The following CNTNAP2 variants were observed in gnomAD, a reference collection of about 807,000 sequenced individuals.
CNTNAP2 encodes contactin-associated protein-like 2.
In CNTNAP2, 98 loss-of-function variants were observed where a neutral mutation model predicts 155.2. The observed-to-expected ratio is 0.63, with a 90% confidence interval of 0.54 to 0.75. CNTNAP2 has a LOEUF of 0.75. Ranked by LOEUF, CNTNAP2 falls within the 30% of genes least tolerant of loss-of-function variation. The pLI, the probability that CNTNAP2 is intolerant of heterozygous loss-of-function variation, is 0.00. For missense variants in CNTNAP2, 1,727 were observed against 1,688.1 expected, an observed-to-expected ratio of 1.02 and a Z score of -0.40; for synonymous variants, 651 against 631.2, an observed-to-expected ratio of 1.03 and a Z score of -0.47.
intron 13 of CNTNAP2, among the ~76,000 whole-genome samples, chr7:147,807,737 G>A (rs1798113875): frequency 1.3e-5 from 2 of 152,098 alleles, no homozygotes; most frequent in South Asian, 4.1e-4. Flanking sequence ...ATATGATGGG[G>A]GAATAGATCA....
intron 4 of CNTNAP2, among the ~76,000 whole-genome samples, chr7:147,051,799 G>A (rs1799479340): frequency 6.6e-6 from 1 of 152,092 alleles, no homozygotes; most frequent in African/African-American, 2.4e-5. Context: ...CTATTTTAAA[G>A]GCATTTTGCT....
chr7:147,904,164 G>A (rs1585020356), intron 14 of CNTNAP2, among the ~76,000 whole-genome samples: 1 of 152,160 alleles, frequency 6.6e-6, no homozygotes, highest in East Asian at 1.9e-4. Context: ...GAGAGAGAGA[G>A]AAGGGAAAAA....
At chr7:147,503,697 AT>A (rs66476619) in intron 11 of CNTNAP2, among the ~76,000 whole-genome samples, 31,108 of 150,570 alleles carry the variant, frequency 0.21, 3,755 homozygotes, top group East Asian at 0.33. Flanking sequence ...AAAAAAAAAA[AT>A]ATTTTTGACA....
At chr7:147,457,427 A>G (rs1017198482) in intron 10 of CNTNAP2, among the ~76,000 whole-genome samples, 10 of 152,288 alleles carry the variant, frequency 6.6e-5, no homozygotes, top group Middle Eastern at 6.8e-3. Flanking sequence ...CAAATGCCAC[A>G]TCACCAGAAA....
At chr7:147,971,791 T>A (rs1199193540) in intron 14 of CNTNAP2, among the ~76,000 whole-genome samples, 2 of 152,244 alleles carry the variant, frequency 1.3e-5, no homozygotes, top group Non-Finnish European at 2.9e-5. Context: ...TATGCTTTCA[T>A]GTCTCTTGTA....
At chr7:148,020,787 T>A (rs1247897799) in intron 15 of CNTNAP2, among the ~76,000 whole-genome samples, 1 of 152,248 alleles carries the variant, frequency 6.6e-6, no homozygotes, top group South Asian at 2.1e-4. Flanking sequence ...GACTACTTTG[T>A]TGTAACACAC....
intron 1 of CNTNAP2, among the ~76,000 whole-genome samples, chr7:146,588,463 G>A (rs1798730218): frequency 6.6e-6 from 1 of 151,454 alleles, no homozygotes; most frequent in African/African-American, 2.4e-5. Flanking sequence ...TTAAAATACA[G>A]TCTTTAAACA....
At chr7:146,117,966 A>C (rs747432781) in intron 1 of CNTNAP2, among the ~76,000 whole-genome samples, 3 of 152,204 alleles carry the variant, frequency 2.0e-5, no homozygotes, top group Non-Finnish European at 2.9e-5. Context: ...TTCAGAGTTT[A>C]AAAGGAAGAT....
chr7:147,161,888 TC>T (rs777627745), intron 8 of CNTNAP2: 4 of 152,182 alleles, frequency 2.6e-5, no homozygotes. Context: ...TGCTTTGACC[TC>T]CTTTCTGTTC....
At chr7:148,333,104 C>G (rs1003063743) in intron 21 of CNTNAP2, among the ~76,000 whole-genome samples, 1 of 152,096 alleles carries the variant, frequency 6.6e-6, no homozygotes, top group African/African-American at 2.4e-5. Flanking sequence ...ATGTCCATCA[C>G]AGGGATGTTT....
intron 4 of CNTNAP2, chr7:147,083,189 A>G (rs1168669372): frequency 1.3e-5 from 2 of 152,140 alleles, no homozygotes; most frequent in Non-Finnish European, 2.9e-5. Flanking sequence ...CTGGATGGAC[A>G]CTGGACACCC....
chr7:146,852,518 A>G (rs1054013367), intron 3 of CNTNAP2, among the ~76,000 whole-genome samples: 2 of 152,132 alleles, frequency 1.3e-5, no homozygotes, highest in African/African-American at 2.4e-5. Context: ...ATCATGTCCT[A>G]CTTTCAAACT....
Position 146,275,111 on chromosome 7 carries a change from T to C in CNTNAP2, c.97+158138T>C, listed in dbSNP as rs1800143829. 4.6e-5 allele frequency among the ~76,000 whole-genome samples: 7 copies of C among 152,206 alleles called. No homozygotes were observed. The South Asian group carries it at 1.5e-3, about 32-fold the overall frequency. On this transcript the variant is annotated intron_variant, in intron 1 of 23. Transcript: ENST00000361727. The stretch of plus-strand genomic sequence containing the variant: ...ATGAAGATAATACGCACTATGCATT[T>C]GGTTCAAACATCGGATACAAGTGTC...
chr7:146,826,003 A>G (rs1004339520), intron 2 of CNTNAP2, among the ~76,000 whole-genome samples: 2 of 152,148 alleles, frequency 1.3e-5, no homozygotes, highest in African/African-American at 2.4e-5. Context: ...TGCACAGATA[A>G]TAAGTACATT....
chr7:148,270,728 GC>G (rs1490900498), intron 21 of CNTNAP2, among the ~76,000 whole-genome samples: 5 of 152,240 alleles, frequency 3.3e-5, no homozygotes, highest in African/African-American at 1.2e-4. Flanking sequence ...ATATCTCACA[GC>G]CTAAAAGTAG....
At chr7:146,348,782 T>G (rs1794867869) in intron 1 of CNTNAP2, among the ~76,000 whole-genome samples, 1 of 149,618 alleles carries the variant, frequency 6.7e-6, no homozygotes, top group South Asian at 2.1e-4. Flanking sequence ...GGTGTTAAGA[T>G]GTTTTTTAAA....
At chr7:148,295,106 A>G (rs1272504806) in intron 21 of CNTNAP2, among the ~76,000 whole-genome samples, 2 of 152,158 alleles carry the variant, frequency 1.3e-5, no homozygotes, top group African/African-American at 4.8e-5. Context: ...TTAAAAATCC[A>G]TTACCTTTTC....
At chr7:147,515,350 T>C (rs773404966) in intron 11 of CNTNAP2, among the ~76,000 whole-genome samples, 1 of 116,808 alleles carries the variant, frequency 8.6e-6, no homozygotes, top group South Asian at 3.3e-4. Context: ...TTGAGACAAG[T>C]CTCGCTCTGT....
At chr7:147,058,958 G>GT (rs1460888436) in intron 4 of CNTNAP2, among the ~76,000 whole-genome samples, 4 of 152,218 alleles carry the variant, frequency 2.6e-5, no homozygotes, top group South Asian at 2.1e-4. Context: ...CTGATTGTGT[G>GT]TTTTTTTGCA....
Sources: allele counts gnomAD v4.1 joint callset (sites outside exome capture counted in the v4.1 genomes callset), GRCh38; gene constraint gnomAD v4.1.1; transcripts MANE v1.5; gene names NCBI Gene and HGNC (gene_info 2026-07-23, HGNC 2026-07-21).